Variants in AGO3 observed in about 807,000 individuals in gnomAD.
AGO3 encodes protein argonaute-3.
A neutral mutation model predicts 105.5 loss-of-function variants in AGO3; 16 were observed. The observed-to-expected ratio is 0.15, with a 90% CI of 0.10 to 0.23. The LOEUF is 0.23. Among genes scored for constraint, AGO3 ranks in the 10% least tolerant of loss-of-function variants. AGO3 has a pLI of 1.00. For missense variants in AGO3, 534 were observed against 1,088.0 expected, an observed-to-expected ratio of 0.49 and a Z score of 7.16; for synonymous variants, 340 against 367.3, an observed-to-expected ratio of 0.93 and a Z score of 0.85.
chr1:35,963,538 C>G (rs1465313113), intron 2 of AGO3, among the ~76,000 whole-genome samples: 1 of 151,654 alleles, frequency 6.6e-6, no homozygotes, highest in Non-Finnish European at 1.5e-5. Context: ...GAAAGAAAAT[C>G]AGTTAGAAGA....
chr1:36,041,654 T>G (rs1246622257), intron 16 of AGO3, among the ~76,000 whole-genome samples: 1 of 152,186 alleles, frequency 6.6e-6, no homozygotes, highest in Non-Finnish European at 1.5e-5. Context: ...AATCTAATGA[T>G]ACCAAGTGTT....
chr1:36,070,747 TTGAAAAA>T lies in AGO3; in HGVS notation c.*15014_*15020del, dbSNP rs1643151349. Reference sequence around the variant, plus strand: ...GATGAAAAGTTGGGGAGATTCATGTTTGAAAAATGAAAAATGAACAAAAAATCCACCT... The same window carrying T: ...GATGAAAAGTTGGGGAGATTCATGTTTGAAAAATGAACAAAAAATCCACCT... On this transcript the variant is annotated 3_prime_UTR_variant, in exon 19 of 19. Coordinates refer to ENST00000373191, the MANE Select transcript of AGO3 (RefSeq NM_024852.4). 1 of 152,166 alleles carries T rather than the reference TTGAAAAA, an allele frequency of 6.6e-6. No individual in the cohort carries two copies. The highest frequency in any genetic ancestry group is 6.5e-5 in the Admixed American group (1 of 15,272). The allele number at this position is 152,166 out of a possible 1,614,324, so 9.4% of individuals were successfully genotyped here. A position where few individuals can be genotyped will look rare whatever the true frequency, so the allele number is the denominator to read the frequency against.
At chr1:35,961,866 C>A (rs753586196) in intron 2 of AGO3, among the ~76,000 whole-genome samples, 3 of 152,038 alleles carry the variant, frequency 2.0e-5, no homozygotes, top group Non-Finnish European at 4.4e-5. Context: ...GGGCTTGTAC[C>A]CTTTTCCACA....
chr1:35,993,680 C>G (rs1217928006), intron 5 of AGO3, among the ~76,000 whole-genome samples: 1 of 148,544 alleles, frequency 6.7e-6, no homozygotes, highest in Admixed American at 6.7e-5. Flanking sequence ...AAAATAACAT[C>G]AATCTTTCAC....
intron 3 of AGO3, among the ~76,000 whole-genome samples, chr1:35,971,044 ATT>A (rs201715016): frequency 6.9e-5 from 10 of 145,092 alleles, no homozygotes; most frequent in African/African-American, 2.5e-4. Context: ...ATATATATAT[ATT>A]TTTTATTATA....
chr1:35,969,488 C>G (rs1209999368), intron 3 of AGO3, among the ~76,000 whole-genome samples: 1 of 152,068 alleles, frequency 6.6e-6, no homozygotes, highest in African/African-American at 2.4e-5. Context: ...GTCATTCATT[C>G]TCCGTATGTT....
chr1:36,046,623 T>TAAACAAAA (rs1642482611), intron 17 of AGO3, among the ~76,000 whole-genome samples: 1 of 34,450 alleles, frequency 2.9e-5, no homozygotes, highest in Non-Finnish European at 5.2e-5. Flanking sequence ...AGTCTCTATT[T>TAAACAAAA]AAAAAAAAAA....
chr1:36,037,368 G>A (rs553064234), intron 14 of AGO3, among the ~76,000 whole-genome samples: 1 of 152,002 alleles, frequency 6.6e-6, no homozygotes, highest in South Asian at 2.1e-4. Flanking sequence ...TAAAAAATAC[G>A]AAATTAGCCT....
chr1:36,041,456 C>T (rs529292437), intron 16 of AGO3, among the ~76,000 whole-genome samples: 8 of 151,978 alleles, frequency 5.3e-5, no homozygotes, highest in South Asian at 2.1e-4. Context: ...TTAGCCAGGA[C>T]GGTCTCGATC....
chr1:35,946,503 A>G (rs1438681864), intron 2 of AGO3, among the ~76,000 whole-genome samples: 2 of 152,234 alleles, frequency 1.3e-5, no homozygotes, highest in African/African-American at 4.8e-5. Flanking sequence ...TTTTAAAAAC[A>G]AAGACAACAC....
At chr1:35,977,019 G>A (rs1011880406) in intron 5 of AGO3, among the ~76,000 whole-genome samples, 3 of 151,716 alleles carry the variant, frequency 2.0e-5, no homozygotes, top group Admixed American at 6.6e-5. Flanking sequence ...TGGTTTGCTA[G>A]GTAGCTGTTT....
chr1:36,020,319 A>G (rs1641151164), intron 11 of AGO3, among the ~76,000 whole-genome samples: 2 of 152,194 alleles, frequency 1.3e-5, no homozygotes, highest in Non-Finnish European at 2.9e-5. Flanking sequence ...CAAATTATGT[A>G]TCTTAATAGT....
chr1:36,012,750 A>G (rs1311175459), intron 9 of AGO3, among the ~76,000 whole-genome samples: 1 of 152,042 alleles, frequency 6.6e-6, no homozygotes, highest in Non-Finnish European at 1.5e-5. Flanking sequence ...CCAAAAGCAT[A>G]TTAGGTTCAA....
chr1:35,996,276 A>G (rs1263474204), intron 5 of AGO3, among the ~76,000 whole-genome samples: 3 of 151,764 alleles, frequency 2.0e-5, no homozygotes, highest in Non-Finnish European at 1.5e-5. Flanking sequence ...AGTAATTATT[A>G]TCACCACTGT....
chr1:35,977,524 C>G (rs1410735256), intron 5 of AGO3, among the ~76,000 whole-genome samples: 1 of 151,332 alleles, frequency 6.6e-6, no homozygotes, highest in Non-Finnish European at 1.5e-5. Context: ...TCCTGAGCAG[C>G]TGGGACTACA....
chr1:36,034,087 G>C, intron 12 of AGO3, 87 bp from the exon 13 acceptor site: 1 of 1,296,408 alleles, frequency 7.7e-7, no homozygotes, highest in Non-Finnish European at 1.0e-6. Context: ...TGGATTTTAA[G>C]GGGGAAACAT....
At chr1:35,943,778 G>T (rs1646304044) in intron 1 of AGO3, among the ~76,000 whole-genome samples, 1 of 148,714 alleles carries the variant, frequency 6.7e-6, no homozygotes, top group Non-Finnish European at 1.5e-5. Context: ...TGTGTTTTTG[G>T]TAGATACAAA....
intron 11 of AGO3, among the ~76,000 whole-genome samples, chr1:36,019,608 T>C (rs1195308826): frequency 2.6e-5 from 4 of 152,164 alleles, no homozygotes; most frequent in Non-Finnish European, 4.4e-5. Flanking sequence ...AAATCACAAT[T>C]GAATGAAATC....
At chr1:36,030,867 G>C (rs1339943271) in intron 12 of AGO3, among the ~76,000 whole-genome samples, 2 of 152,080 alleles carry the variant, frequency 1.3e-5, no homozygotes, top group African/African-American at 4.8e-5. Context: ...AATTTTTGTA[G>C]TGTTTTCCCT....
Sources: gnomAD v4.1 joint callset for allele counts (sites outside exome capture counted in the v4.1 genomes callset) on GRCh38, gnomAD v4.1.1 for gene constraint, MANE v1.5 for transcripts, NCBI Gene and HGNC (gene_info 2026-07-23, HGNC 2026-07-21) for gene names.